Variants in NEO1 observed in about 807,000 individuals in gnomAD.
NEO1 encodes the protein neogenin 1.
Under a neutral mutation model 159.7 loss-of-function variants are expected in NEO1, and 63 were observed. The observed-to-expected ratio is 0.39, with a 90% confidence interval of 0.32 to 0.49. The LOEUF (loss-of-function observed/expected upper bound fraction) is 0.49. NEO1 is among the 20% of genes least tolerant of loss of function. The pLI is 0.85. For missense variants in NEO1, 1,615 were observed against 1,831.0 expected, an observed-to-expected ratio of 0.88 and a Z score of 2.15; for synonymous variants, 633 against 662.0, an observed-to-expected ratio of 0.96 and a Z score of 0.67.
intron 23 of NEO1, among the ~76,000 whole-genome samples, chr15:73,283,758 A>C (rs2041827952): frequency 6.6e-6 from 1 of 152,216 alleles, no homozygotes; most frequent in East Asian, 1.9e-4. Flanking sequence ...GTACATGCCC[A>C]CAGTGAACCC....
chr15:73,088,978 A>G (rs926866245), intron 1 of NEO1, among the ~76,000 whole-genome samples: 5 of 152,154 alleles, frequency 3.3e-5, no homozygotes, highest in East Asian at 1.9e-4. Context: ...GACTTGAAGG[A>G]AGAGATTCAG....
At chr15:73,064,088 C>T (rs910994216) in intron 1 of NEO1, among the ~76,000 whole-genome samples, 5 of 152,152 alleles carry the variant, frequency 3.3e-5, no homozygotes, top group African/African-American at 1.2e-4. Context: ...TGTGGAAGAG[C>T]GAATTTATTT....
At chr15:73,157,718 T>C (rs2033882460) in intron 5 of NEO1, among the ~76,000 whole-genome samples, 1 of 152,244 alleles carries the variant, frequency 6.6e-6, no homozygotes, top group South Asian at 2.1e-4. Context: ...TACACACAAT[T>C]TTTGTTCTTC....
Position 73,244,462 on chromosome 15 carries a change from A to T in NEO1, c.1570A>T (p.Ser524Cys). ...MAQNKHGSGE[S>C]SAPLRVETQP... ...TCAAAATAAGCATGGCTCAGGAGAG[A>T]GTTCAGCTCCACTGCGAGTAGAAAC... is the stretch of plus-strand genomic sequence containing the variant. Residue 524 changes from serine (S) to cysteine (C), a missense_variant, in exon 9 of 29, where the codon AGT (serine) becomes TGT (cysteine). By Grantham distance (112) the Ser-to-Cys change is moderately radical. This residue lies in a region of NEO1 where 1,018 missense variants were observed against 1,115.4 expected (regional missense o/e 0.91). Coordinates refer to ENST00000261908, the MANE Select transcript of NEO1 (RefSeq NM_002499.4). 6 of 1,613,892 alleles carry T rather than the reference A, an allele frequency of 3.7e-6. No homozygotes were observed. The highest frequency in any genetic ancestry group is 5.1e-6 in the Non-Finnish European group (6 of 1,179,884).
chr15:73,064,454 T>G (rs1423803532), intron 1 of NEO1, among the ~76,000 whole-genome samples: 1 of 152,204 alleles, frequency 6.6e-6, no homozygotes, highest in African/African-American at 2.4e-5. Flanking sequence ...CTGTACTTTA[T>G]GTACTTTTAT....
intron 4 of NEO1, among the ~76,000 whole-genome samples, chr15:73,135,534 C>G (rs1471802008): frequency 1.3e-5 from 2 of 152,066 alleles, no homozygotes; most frequent in Non-Finnish European, 2.9e-5. Flanking sequence ...CAGATTGATT[C>G]CAGACTTCAA....
chr15:73,261,001 T>G (rs1224607753), intron 15 of NEO1, among the ~76,000 whole-genome samples: 2 of 152,170 alleles, frequency 1.3e-5, no homozygotes, highest in African/African-American at 4.8e-5. Context: ...TCTAATTCCA[T>G]ATTTCCTCTA....
At chr15:73,093,798 C>T (rs1328044636) in intron 1 of NEO1, among the ~76,000 whole-genome samples, 2 of 152,152 alleles carry the variant, frequency 1.3e-5, no homozygotes, top group South Asian at 2.1e-4. Context: ...TGGCTGGTCT[C>T]GAACTCCTAA....
At chr15:73,193,458 GT>G (rs1278168256) in intron 7 of NEO1, among the ~76,000 whole-genome samples, 1 of 151,536 alleles carries the variant, frequency 6.6e-6, no homozygotes. Context: ...CAAGTTTAAT[GT>G]TTTCAAGACA....
chr15:73,057,693 G>A (rs1427303341), intron 1 of NEO1, among the ~76,000 whole-genome samples: 3 of 152,182 alleles, frequency 2.0e-5, no homozygotes, highest in Middle Eastern at 3.4e-3. Flanking sequence ...ACAAAAAAAG[G>A]CATTCAGACC....
intron 7 of NEO1, among the ~76,000 whole-genome samples, chr15:73,206,906 T>A (rs996468771): frequency 2.0e-5 from 3 of 152,016 alleles, no homozygotes; most frequent in African/African-American, 7.3e-5. Flanking sequence ...CAGACTGGAG[T>A]GTGGTGAAGT....
At chr15:73,210,559 A>T (rs533453712) in intron 7 of NEO1, among the ~76,000 whole-genome samples, 15 of 152,378 alleles carry the variant, frequency 9.8e-5, no homozygotes, top group African/African-American at 3.4e-4. Context: ...TATTTGAGAA[A>T]GCAAATAACT....
intron 11 of NEO1, among the ~76,000 whole-genome samples, chr15:73,251,588 A>G (rs1260254205): frequency 6.6e-6 from 1 of 152,054 alleles, no homozygotes; most frequent in Non-Finnish European, 1.5e-5. Flanking sequence ...CTAGTGAACT[A>G]CATAAGCCAG....
In NEO1 at chr15:73,202,913, A is replaced by G. The variant is rs146916303; in HGVS notation, c.1291+24486A>G. On this transcript the variant is annotated intron_variant, in intron 7 of 28. Coordinates refer to ENST00000261908, the MANE Select transcript of NEO1 (RefSeq NM_002499.4). ...TGACTGGCTTATTTCACTTACCATA[A>G]TATCCTCAAGGTACATCCATATTGT... Among the ~76,000 whole-genome samples the G allele has an allele frequency of 6.6e-5, 10 of 152,316 alleles. No individual in the cohort carries two copies. In the East Asian group the frequency reaches 1.5e-3, roughly 24 times the overall value.
chr15:73,295,811 C>T (rs1021328908), intron 26 of NEO1, among the ~76,000 whole-genome samples: 7 of 152,318 alleles, frequency 4.6e-5, no homozygotes, highest in Non-Finnish European at 1.0e-4. Context: ...CTCTAAGGAG[C>T]ATTCACTATG....
At chr15:73,154,577 G>C (rs78978294) in intron 5 of NEO1, among the ~76,000 whole-genome samples, 3 of 152,132 alleles carry the variant, frequency 2.0e-5, no homozygotes, top group Non-Finnish European at 4.4e-5. Flanking sequence ...CCACAAATAA[G>C]TGAGAACATC....
intron 5 of NEO1, among the ~76,000 whole-genome samples, chr15:73,151,149 G>A (rs1057435104): frequency 6.6e-6 from 1 of 152,134 alleles, no homozygotes; most frequent in East Asian, 1.9e-4. Context: ...ATCCTGGTAG[G>A]TGTATAGTAG....
chr15:73,134,333 G>A (rs535983176), intron 4 of NEO1, among the ~76,000 whole-genome samples: 4 of 152,264 alleles, frequency 2.6e-5, no homozygotes, highest in Admixed American at 6.5e-5. Flanking sequence ...TTGCAGGGTC[G>A]TATTTCTTGG....
intron 1 of NEO1, among the ~76,000 whole-genome samples, chr15:73,085,025 T>C (rs2069276523): frequency 6.6e-6 from 1 of 152,040 alleles, no homozygotes. Flanking sequence ...TTAGGAAATA[T>C]GGATGATGAG....
Sources: gnomAD v4.1 joint callset for allele counts (sites outside exome capture counted in the v4.1 genomes callset) on GRCh38, gnomAD v4.1.1 for gene constraint, gnomAD v4.1.1 regional missense constraint, MANE v1.5 for transcripts, NCBI Gene and HGNC (gene_info 2026-07-23, HGNC 2026-07-21) for gene names.